The following LRRC7 variants were observed in gnomAD, a reference collection of about 807,000 sequenced individuals.
LRRC7 encodes leucine-rich repeat-containing protein 7.
Under a neutral mutation model 175.7 loss-of-function variants are expected in LRRC7, and 23 were observed. The observed-to-expected ratio is 0.13, with a 90% CI of 0.09 to 0.19. The LOEUF (loss-of-function observed/expected upper bound fraction) is 0.19, where lower values mean the gene tolerates loss of function less well. LRRC7 is among the 10% of genes least tolerant of loss of function. The pLI, the probability that LRRC7 is intolerant of heterozygous loss-of-function variation, is 1.00. For synonymous variants in LRRC7, 685 were observed against 680.9 expected, an observed-to-expected ratio of 1.01 and a Z score of -0.09; for missense variants, 1,354 against 1,904.7, an observed-to-expected ratio of 0.71 and a Z score of 5.38.
intron 9 of LRRC7, among the ~76,000 whole-genome samples, chr1:69,985,728 A>G (rs1295612169): frequency 6.6e-6 from 1 of 152,234 alleles, no homozygotes; most frequent in Non-Finnish European, 1.5e-5. Context: ...ATGGAATCAT[A>G]CAATGTGTGG....
intron 2 of LRRC7, among the ~76,000 whole-genome samples, chr1:69,744,169 A>C (rs1190150254): frequency 6.6e-6 from 1 of 151,890 alleles, no homozygotes; most frequent in East Asian, 1.9e-4. Context: ...AAGAAGGTTA[A>C]GTGACTACTA....
intron 1 of LRRC7, among the ~76,000 whole-genome samples, chr1:69,624,691 G>A (rs1482336881): frequency 2.0e-5 from 3 of 151,900 alleles, no homozygotes. Flanking sequence ...TCATGATGTG[G>A]ATGTCAAGTT....
intron 7 of LRRC7, among the ~76,000 whole-genome samples, chr1:69,873,122 G>T (rs1333663135): frequency 6.6e-6 from 1 of 152,164 alleles, no homozygotes; most frequent in Admixed American, 6.5e-5. Flanking sequence ...AAGCTTGGAA[G>T]TGATAGTGTA....
intron 1 of LRRC7, among the ~76,000 whole-genome samples, chr1:69,612,035 G>A (rs547457958): frequency 6.6e-6 from 1 of 152,136 alleles, no homozygotes; most frequent in African/African-American, 2.4e-5. Flanking sequence ...ATTGAGGATC[G>A]ACTGTAATTT....
chr1:69,568,071 G>T lies in LRRC7; in HGVS notation c.-569G>T, dbSNP rs1646399593. ...GCCGCCCACTCGGGCCACCGCCACC[G>T]CCTCCTGCAGTTGCGGAGCGCTCAG... On this transcript the variant is annotated 5_prime_UTR_variant, in exon 1 of 27. Coordinates refer to ENST00000651989, the MANE Select transcript of LRRC7 (RefSeq NM_001370785.2). 2.0e-5 allele frequency among the ~76,000 whole-genome samples: 3 copies of T among 152,130 alleles called. No individual in the cohort carries two copies. In the South Asian group the frequency reaches 6.2e-4, roughly 31 times the overall value.
chr1:70,007,122 CA>C (rs1170838577), intron 11 of LRRC7, among the ~76,000 whole-genome samples: 2 of 152,156 alleles, frequency 1.3e-5, no homozygotes, highest in African/African-American at 4.8e-5. Context: ...CCCCAGAGGT[CA>C]GGGGGTGAGA....
Position 70,141,754 on chromosome 1 carries a change from T to A in LRRC7, c.*19867T>A, listed in dbSNP as rs1667070671. On this transcript the variant is annotated 3_prime_UTR_variant, in exon 27 of 27. Transcript: ENST00000651989. Reference sequence around the variant, plus strand: ...TATTTTTGGCTCTTTAAAGGTTATTTTCCTATATTAAGAAAAGGTTTCTTA... The same window carrying A: ...TATTTTTGGCTCTTTAAAGGTTATTATCCTATATTAAGAAAAGGTTTCTTA... 1 of 152,150 alleles carries A rather than the reference T, an allele frequency of 6.6e-6. No homozygotes were observed. Among genetic ancestry groups the A allele is most frequent in the African/African-American group, 2.4e-5 (1 of 41,446 alleles). The allele number at this position is 152,150 out of a possible 1,614,324, so 9.4% of individuals were successfully genotyped here.
At chr1:69,821,146 T>G (rs1339398205) in intron 4 of LRRC7, among the ~76,000 whole-genome samples, 6 of 152,346 alleles carry the variant, frequency 3.9e-5, no homozygotes. Context: ...GTTTGTTGGC[T>G]ACATAAATGT....
At chr1:69,641,484 G>A (rs1654198924) in intron 1 of LRRC7, among the ~76,000 whole-genome samples, 1 of 151,376 alleles carries the variant, frequency 6.6e-6, no homozygotes, top group Admixed American at 6.6e-5. Context: ...AAATTAATCA[G>A]CATTCATATA....
intron 26 of LRRC7, among the ~76,000 whole-genome samples, chr1:70,120,672 G>A (rs186317975): frequency 6.6e-6 from 1 of 152,160 alleles, no homozygotes. Context: ...AAAAGGCAAT[G>A]TGTAACCAAA....
intron 9 of LRRC7, among the ~76,000 whole-genome samples, chr1:69,981,745 T>C (rs549666888): frequency 9.5e-4 from 145 of 152,298 alleles, no homozygotes; most frequent in Non-Finnish European, 1.6e-3. Context: ...GATTGAAGAA[T>C]CAGAATATAT....
At chr1:70,002,065 A>G (rs1208955343) in intron 11 of LRRC7, among the ~76,000 whole-genome samples, 6 of 152,206 alleles carry the variant, frequency 3.9e-5, no homozygotes, top group Non-Finnish European at 5.9e-5. Context: ...ATATTTGGTC[A>G]TTCAGTGGGT....
At chr1:69,919,448 C>A in intron 7 of LRRC7, 2 of 971,212 alleles carry the variant, frequency 2.1e-6, no homozygotes, top group East Asian at 2.6e-5. Flanking sequence ...ATCACTAACC[C>A]CAGCCAGTGG....
At chr1:69,978,027 G>GA (rs1160154781) in intron 8 of LRRC7, among the ~76,000 whole-genome samples, 3 of 151,322 alleles carry the variant, frequency 2.0e-5, no homozygotes, top group Non-Finnish European at 4.4e-5. Flanking sequence ...TAATGCATAG[G>GA]AAAAAAACAA....
chr1:69,733,122 CTATT>C (rs942928875), intron 2 of LRRC7, among the ~76,000 whole-genome samples: 11 of 151,998 alleles, frequency 7.2e-5, no homozygotes, highest in African/African-American at 2.4e-4. Flanking sequence ...TCAATGTGCT[CTATT>C]TATAAATGAG....
chr1:69,775,542 T>C (rs1344441091), intron 3 of LRRC7, among the ~76,000 whole-genome samples: 2 of 152,200 alleles, frequency 1.3e-5, no homozygotes, highest in African/African-American at 4.8e-5. Flanking sequence ...TACAGAAATG[T>C]AGGATTACTT....
At chr1:69,976,634 C>T (rs1652848470) in intron 8 of LRRC7, among the ~76,000 whole-genome samples, 1 of 152,224 alleles carries the variant, frequency 6.6e-6, no homozygotes, top group African/African-American at 2.4e-5. Flanking sequence ...TCTTATTTCA[C>T]TGGACACCTT....
chr1:69,685,899 CAA>C (rs533580489), intron 2 of LRRC7, among the ~76,000 whole-genome samples: 4 of 133,766 alleles, frequency 3.0e-5, no homozygotes, highest in Non-Finnish European at 1.6e-5. Context: ...GAAGATAAAC[CAA>C]AAAAAAAAAA....
chr1:69,770,538 A>C (rs17131027), intron 3 of LRRC7, among the ~76,000 whole-genome samples: 6,380 of 152,242 alleles, frequency 0.042, 200 homozygotes, highest in African/African-American at 0.085. Context: ...CTCCTACTTA[A>C]AAAGGAATCT....
Sources: gnomAD v4.1 joint callset for allele counts (sites outside exome capture counted in the v4.1 genomes callset) on GRCh38, gnomAD v4.1.1 for gene constraint, MANE v1.5 for transcripts, NCBI Gene and HGNC (gene_info 2026-07-23, HGNC 2026-07-21) for gene names.